PTPRK: variants seen among roughly 807,000 people sequenced by gnomAD.
PTPRK encodes the protein protein tyrosine phosphatase receptor type K, also known as receptor-type tyrosine-protein phosphatase kappa.
In PTPRK, 75 loss-of-function variants were observed where a neutral mutation model predicts 178.0. The observed-to-expected ratio is 0.42, with a 90% CI of 0.35 to 0.51. The LOEUF (loss-of-function observed/expected upper bound fraction) is 0.51. Among genes scored for constraint, PTPRK ranks in the 20% least tolerant of loss-of-function variants. The pLI is 0.02. For missense variants in PTPRK, 1,441 were observed against 1,797.8 expected, an observed-to-expected ratio of 0.80 and a Z score of 3.59; for synonymous variants, 637 against 620.6, an observed-to-expected ratio of 1.03 and a Z score of -0.39.
intron 1 of PTPRK, among the ~76,000 whole-genome samples, chr6:128,462,630 TTTATTTA>T (rs1562571032): frequency 8.4e-4 from 61 of 73,012 alleles, no homozygotes; most frequent in African/African-American, 3.9e-3. Flanking sequence ...GTATATTTTA[TTTATTTA>T]TTTATTTATT....
chr6:128,356,311 G>T (rs545376188), intron 2 of PTPRK, among the ~76,000 whole-genome samples: 1 of 151,954 alleles, frequency 6.6e-6, no homozygotes. Flanking sequence ...TTCTTTAATC[G>T]AGCTTATTGA....
chr6:127,985,925 A>C (rs770126107), intron 21 of PTPRK, 50 bp from the exon 22 acceptor site: 9 of 1,570,524 alleles, frequency 5.7e-6, no homozygotes, highest in Non-Finnish European at 7.8e-6. Flanking sequence ...TAATGGCCAA[A>C]ATAAAGCCAT....
intron 1 of PTPRK, among the ~76,000 whole-genome samples, chr6:128,478,567 T>G (rs1195140104): frequency 6.6e-6 from 1 of 152,164 alleles, no homozygotes; most frequent in Non-Finnish European, 1.5e-5. Context: ...ATTTTTATGA[T>G]ACTCTGCCAC....
intron 7 of PTPRK, among the ~76,000 whole-genome samples, chr6:128,101,635 T>C (rs148329614): frequency 6.6e-6 from 1 of 152,274 alleles, no homozygotes; most frequent in Non-Finnish European, 1.5e-5. Flanking sequence ...CCTGTTCACA[T>C]CCAAATAATT....
chr6:128,221,037 T>C (rs1810306303), intron 5 of PTPRK, among the ~76,000 whole-genome samples: 1 of 152,176 alleles, frequency 6.6e-6, no homozygotes. Flanking sequence ...ACTACATGTA[T>C]GCATGTTTAA....
intron 3 of PTPRK, among the ~76,000 whole-genome samples, chr6:128,305,740 A>G (rs1208133071): frequency 2.0e-5 from 3 of 152,220 alleles, no homozygotes; most frequent in African/African-American, 7.2e-5. Context: ...AACTTTAACT[A>G]CACAAATGAA....
intron 1 of PTPRK, among the ~76,000 whole-genome samples, chr6:128,453,024 C>T (rs987531527): frequency 3.3e-5 from 5 of 152,166 alleles, no homozygotes; most frequent in African/African-American, 1.2e-4. Context: ...AGCTGACCTG[C>T]AGATTTAGCG....
intron 16 of PTPRK, among the ~76,000 whole-genome samples, chr6:127,997,411 A>G (rs1777284171): frequency 6.6e-6 from 1 of 152,056 alleles, no homozygotes; most frequent in Admixed American, 6.6e-5. Context: ...TCCCTCCATA[A>G]TTATTCATTA....
intron 1 of PTPRK, among the ~76,000 whole-genome samples, chr6:128,501,696 G>C (rs1855584410): frequency 1.3e-5 from 2 of 152,090 alleles, no homozygotes; most frequent in South Asian, 4.1e-4. Context: ...TTCTAACACT[G>C]ATAGAGATTA....
intron 3 of PTPRK, among the ~76,000 whole-genome samples, chr6:128,304,249 A>G (rs1407833380): frequency 2.6e-5 from 4 of 152,194 alleles, no homozygotes; most frequent in Non-Finnish European, 5.9e-5. Flanking sequence ...GTATTTTAGA[A>G]TAACTCACAA....
chr6:128,502,857 G>T (rs1178582442), intron 1 of PTPRK, among the ~76,000 whole-genome samples: 4 of 152,054 alleles, frequency 2.6e-5, no homozygotes, highest in Non-Finnish European at 5.9e-5. Flanking sequence ...CTAATTTTGT[G>T]TTCAGTGATG....
intron 1 of PTPRK, among the ~76,000 whole-genome samples, chr6:128,512,112 G>T (rs1857277710): frequency 6.6e-6 from 1 of 152,154 alleles, no homozygotes; most frequent in South Asian, 2.1e-4. Flanking sequence ...AGTTCTTGAA[G>T]ATATACGAAA....
At chr6:128,085,406 C>T (rs1415378346) in intron 8 of PTPRK, among the ~76,000 whole-genome samples, 1 of 152,166 alleles carries the variant, frequency 6.6e-6, no homozygotes, top group African/African-American at 2.4e-5. Flanking sequence ...ATGACATACA[C>T]TTATGATTAT....
intron 7 of PTPRK, among the ~76,000 whole-genome samples, chr6:128,135,636 A>C (rs1249707969): frequency 6.6e-6 from 1 of 152,158 alleles, no homozygotes; most frequent in Non-Finnish European, 1.5e-5. Context: ...TCTGTTTTAG[A>C]AACAAGGCCT....
At chr6:128,296,091 G>C (rs903302692) in intron 3 of PTPRK, among the ~76,000 whole-genome samples, 3 of 152,008 alleles carry the variant, frequency 2.0e-5, no homozygotes, top group African/African-American at 7.3e-5. Flanking sequence ...AGTTTCTAAA[G>C]TGACCTGACT....
intron 1 of PTPRK, among the ~76,000 whole-genome samples, chr6:128,464,636 CACATATATATATATATATAT>C (rs1459161768): frequency 0.016 from 640 of 40,744 alleles, 20 homozygotes; most frequent in African/African-American, 0.038. Context: ...TATATATATA[CACATATATATATATATATAT>C]ATATATATAT....
intron 6 of PTPRK, among the ~76,000 whole-genome samples, chr6:128,214,518 A>G (rs1808858988): frequency 6.7e-6 from 1 of 150,330 alleles, no homozygotes; most frequent in African/African-American, 2.5e-5. Context: ...TGGACATACT[A>G]GCTGTTTATC....
chr6:128,069,235 C>T (rs779370308), intron 11 of PTPRK, among the ~76,000 whole-genome samples: 11 of 152,112 alleles, frequency 7.2e-5, no homozygotes, highest in Non-Finnish European at 1.6e-4. Context: ...TCATATCCAT[C>T]TTGTTTCCTC....
At chr6:128,123,092 C>T (rs1792743001) in intron 7 of PTPRK, among the ~76,000 whole-genome samples, 1 of 152,072 alleles carries the variant, frequency 6.6e-6, no homozygotes, top group South Asian at 2.1e-4. Context: ...GATGAATATC[C>T]TTTTAAGAAT....
Sources: allele counts gnomAD v4.1 joint callset (sites outside exome capture counted in the v4.1 genomes callset), GRCh38; gene constraint gnomAD v4.1.1; transcripts MANE v1.5; gene names NCBI Gene and HGNC (gene_info 2026-07-23, HGNC 2026-07-21).